DACH2: variants seen among roughly 807,000 people sequenced by gnomAD.
The protein encoded by DACH2 is dachshund homolog 2.
In DACH2, 17 loss-of-function variants were observed where a neutral mutation model predicts 35.8. The ratio of observed to expected loss-of-function variants is 0.48; its 90% CI spans 0.33 to 0.71. The LOEUF (loss-of-function observed/expected upper bound fraction) is 0.71, where lower values mean the gene tolerates loss of function less well. Among genes scored for constraint, DACH2 ranks in the 30% least tolerant of loss-of-function variants. The pLI, the probability that DACH2 is intolerant of heterozygous loss-of-function variation, is 0.02. For missense variants in DACH2, 469 were observed against 472.7 expected (o/e 0.99, Z 0.07); for synonymous variants, 195 against 177.3 (o/e 1.10, Z -0.79).
At position 86,291,917 on chromosome X, in the gene DACH2, T is replaced by C. The variant is rs1357826391; in HGVS notation, c.489-84907T>C. On this transcript the variant is annotated intron_variant, in intron 1 of 11. Coordinates refer to ENST00000373125, the MANE Select transcript of DACH2 (RefSeq NM_053281.3). ...TGGTTGTGTCTCTGCCCAGCTTTGG[T>C]ATCAGGATGATGCTGGCCTCATAAA... Among the ~76,000 whole-genome samples the C allele has an allele frequency of 1.5e-3, 100 of 68,413 alleles. 2 individuals carry two copies. Among genetic ancestry groups the C allele is most frequent in the African/African-American group, 6.2e-3 (88 of 14,255 alleles). The allele number at this position is 68,413 out of a possible 115,157, so 59.4% of individuals were successfully genotyped here.
chrX:86,328,449 C>T (rs758774889), intron 1 of DACH2, among the ~76,000 whole-genome samples: 23 of 111,689 alleles, frequency 2.1e-4, no homozygotes, highest in Non-Finnish European at 3.8e-4. Context: ...TTTCAAGTAA[C>T]AATTCTAAGA....
At chrX:86,365,073 A>T (rs1406116221) in intron 1 of DACH2, among the ~76,000 whole-genome samples, 1 of 111,847 alleles carries the variant, frequency 8.9e-6, no homozygotes, top group Non-Finnish European at 1.9e-5. Context: ...GAAATGGCTA[A>T]CAATCTTCAT....
At position 86,578,643 on chromosome X, in the gene DACH2, G is replaced by A. The variant is rs1015609113; in HGVS notation, c.640+64252G>A. Among the ~76,000 whole-genome samples the A allele has an allele frequency of 4.5e-5, 5 of 111,686 alleles. No homozygotes were observed. The South Asian group carries it at 1.1e-3, about 25-fold the overall frequency. The stretch of plus-strand genomic sequence containing the variant: ...TTGTATTTCCCAACACTGTATGGAC[G>A]TACTATAGTTAAGCCTTTCACCTAT... On this transcript the variant is annotated intron_variant, in intron 3 of 11. Transcript: ENST00000373125.
At chrX:86,291,658 C>A (rs2034298557) in intron 1 of DACH2, among the ~76,000 whole-genome samples, 1 of 106,481 alleles carries the variant, frequency 9.4e-6, no homozygotes, top group Non-Finnish European at 1.9e-5. Context: ...TTGTCAAAGG[C>A]CTTTTCTGCA....
intron 1 of DACH2, among the ~76,000 whole-genome samples, chrX:86,313,767 C>T (rs1164158766): frequency 9.0e-6 from 1 of 111,573 alleles, no homozygotes; most frequent in Non-Finnish European, 1.9e-5. Flanking sequence ...TGAAGACATA[C>T]CTCATTTTAT....
At chrX:86,476,400 C>T (rs1307838106) in intron 2 of DACH2, among the ~76,000 whole-genome samples, 1 of 111,457 alleles carries the variant, frequency 9.0e-6, no homozygotes, top group Non-Finnish European at 1.9e-5. Flanking sequence ...TATGTGTATA[C>T]AAATTTCACT....
chrX:86,662,623 A>C (rs1435973344), intron 4 of DACH2, among the ~76,000 whole-genome samples: 1 of 111,013 alleles, frequency 9.0e-6, no homozygotes, highest in Non-Finnish European at 1.9e-5. Context: ...GATGGGGGTT[A>C]TGTAAGTTCT....
chrX:86,408,838 A>C (rs900476706), intron 2 of DACH2, among the ~76,000 whole-genome samples: 9 of 111,973 alleles, frequency 8.0e-5, no homozygotes, highest in Non-Finnish European at 1.5e-4. Context: ...GGTATCAATA[A>C]ATTTGTTTTG....
intron 6 of DACH2, among the ~76,000 whole-genome samples, chrX:86,715,214 A>G (rs2041322438): frequency 8.9e-6 from 1 of 111,805 alleles, no homozygotes; most frequent in Non-Finnish European, 1.9e-5. Flanking sequence ...AATGAAGGTC[A>G]TAGTTAATAA....
intron 7 of DACH2, among the ~76,000 whole-genome samples, chrX:86,801,839 T>C (rs1003770260): frequency 1.8e-5 from 2 of 112,040 alleles, no homozygotes; most frequent in African/African-American, 6.5e-5. Flanking sequence ...CTTGGAAAAA[T>C]ATTTTCCTTT....
chrX:86,286,007 C>A (rs1165711648), intron 1 of DACH2, among the ~76,000 whole-genome samples: 1 of 108,323 alleles, frequency 9.2e-6, no homozygotes, highest in Non-Finnish European at 1.9e-5. Context: ...CCTTGGATGG[C>A]ATATCTTTTT....
At position 86,739,799 on chromosome X, in the gene DACH2, G is replaced by T. The variant is rs745838015; in HGVS notation, c.1157G>T (p.Arg386Leu). ...SPAPSLEENH[R>L]PGSQTSSHTS... ...GCTCCTTCTCTAGAAGAGAATCATC[G>T]TCCTGGGAGCCAGACCTCTTCCCAC... The change falls in exon 7 of 12, where the codon CGT (arginine) becomes CTT (leucine). Residue 386 changes from arginine to leucine, a missense_variant. Arg to Leu is a moderately radical substitution (Grantham distance 102). Around this residue, in one of 3 missense-constraint regions of DACH2, gnomAD observed 363 missense variants for 334.4 expected, o/e 1.09. Transcript: ENST00000373125. The T allele has an allele frequency of 1.7e-6, 2 of 1,194,470 alleles. No homozygotes were observed. Among genetic ancestry groups the T allele is most frequent in the Admixed American group, 2.3e-5 (1 of 44,343 alleles).
At chrX:86,700,472 G>T in intron 5 of DACH2, among the ~76,000 whole-genome samples, 1 of 109,243 alleles carries the variant, frequency 9.2e-6, no homozygotes, top group East Asian at 2.9e-4. Flanking sequence ...AGGATAGTTA[G>T]GTCTTCTTGG....
chrX:86,414,683 C>T (rs191007682), intron 2 of DACH2, among the ~76,000 whole-genome samples: 74 of 111,652 alleles, frequency 6.6e-4, no homozygotes, highest in African/African-American at 2.3e-3. Flanking sequence ...CTTTGGATTC[C>T]TTCCTCTACA....
rs1214289275 is a variant in DACH2, at chrX:86,812,042, T to C, written c.1241-814T>C. On this transcript the variant is annotated intron_variant, in intron 7 of 11. Transcript: ENST00000373125. The stretch of plus-strand genomic sequence containing the variant: ...TATTCCATGAAATAAAAAGTAACAC[T>C]GGAAACAATCCAAATAGTCATCAAC... 4.5e-5 allele frequency among the ~76,000 whole-genome samples: 5 copies of C among 111,953 alleles called. No homozygotes were observed. In the Admixed American group the frequency reaches 4.8e-4, roughly 11 times the overall value.
chrX:86,500,812 T>C (rs138767069), intron 2 of DACH2, among the ~76,000 whole-genome samples: 1,378 of 112,220 alleles, frequency 0.012, 63 homozygotes, highest in Admixed American at 0.12. Flanking sequence ...ATATAGTTGA[T>C]AAGTTGTTAG....
At chrX:86,653,983 C>T (rs2040509163) in intron 4 of DACH2, among the ~76,000 whole-genome samples, 1 of 109,293 alleles carries the variant, frequency 9.1e-6, no homozygotes, top group Admixed American at 9.8e-5. Flanking sequence ...TTTTAAGATG[C>T]TGATACCTAA....
At chrX:86,153,631 A>G (rs922132912) in intron 1 of DACH2, among the ~76,000 whole-genome samples, 2 of 111,743 alleles carry the variant, frequency 1.8e-5, no homozygotes, top group Non-Finnish European at 3.8e-5. Flanking sequence ...TGTGTAGTAA[A>G]TGCACATTTT....
At chrX:86,530,038 A>AT (rs1316953365) in intron 3 of DACH2, among the ~76,000 whole-genome samples, 1 of 108,924 alleles carries the variant, frequency 9.2e-6, no homozygotes, top group Non-Finnish European at 1.9e-5. Flanking sequence ...ATCTATTGAG[A>AT]TTTTTTAGGA....
Sources: gnomAD v4.1 joint callset for allele counts (sites outside exome capture counted in the v4.1 genomes callset) on GRCh38, gnomAD v4.1.1 for gene constraint, gnomAD v4.1.1 regional missense constraint, MANE v1.5 for transcripts, NCBI Gene and HGNC (gene_info 2026-07-23, HGNC 2026-07-21) for gene names.